Variants in MEP1A observed in about 807,000 individuals in gnomAD.
MEP1A encodes the protein N-benzoyl-L-tyrosyl-P-amino-benzoic acid hydrolase subunit alpha.
A neutral mutation model predicts 84.5 loss-of-function variants in MEP1A; 68 were observed. The observed-to-expected ratio is 0.80, with a 90% CI of 0.66 to 0.98. The LOEUF (loss-of-function observed/expected upper bound fraction) is 0.98, where lower values mean the gene tolerates loss of function less well. Among genes scored for constraint, MEP1A ranks in the 50% least tolerant of loss-of-function variants. MEP1A has a pLI of 0.00. For missense variants in MEP1A, 887 were observed against 919.9 expected, an observed-to-expected ratio of 0.96 and a Z score of 0.46; for synonymous variants, 337 against 336.8, an observed-to-expected ratio of 1.00 and a Z score of -0.01.
chr6:46,826,861 T>C (rs1767959772), intron 9 of MEP1A, among the ~76,000 whole-genome samples: 1 of 152,194 alleles, frequency 6.6e-6, no homozygotes, highest in Admixed American at 6.5e-5. Context: ...TGTGGCACAA[T>C]GGATAACACA....
At chr6:46,812,502 A>T (rs897931071) in intron 6 of MEP1A, among the ~76,000 whole-genome samples, 7 of 151,430 alleles carry the variant, frequency 4.6e-5, no homozygotes, top group African/African-American at 1.7e-4. Context: ...TTCTTTTCTT[A>T]TGCTGGGTTT....
At chr6:46,825,100 T>C (rs867120430) in intron 7 of MEP1A, among the ~76,000 whole-genome samples, 172 bp from the exon 8 acceptor site, 69 of 135,376 alleles carry the variant, frequency 5.1e-4, no homozygotes, top group South Asian at 2.4e-3. Flanking sequence ...ATTATGTATT[T>C]AAATAAATCT....
At chr6:46,798,040 T>C (rs1302552867) in intron 3 of MEP1A, among the ~76,000 whole-genome samples, 2 of 151,712 alleles carry the variant, frequency 1.3e-5, no homozygotes, top group African/African-American at 4.8e-5. Context: ...TGATCTTGGC[T>C]CACTGTAACC....
downstream of MEP1A, among the ~76,000 whole-genome samples, chr6:46,844,335 A>ATG (rs372712714): frequency 2.9e-4 from 44 of 151,370 alleles, no homozygotes; most frequent in Admixed American, 7.2e-4. Flanking sequence ...AGCCCAACAG[A>ATG]TGTGTGTGTG....
At chr6:46,842,475 GATAAGGACTGAA>G (rs1251166134), downstream of MEP1A, among the ~76,000 whole-genome samples, 1 of 152,152 alleles carries the variant, frequency 6.6e-6, no homozygotes, top group African/African-American at 2.4e-5. Context: ...ATGCAGTTGA[GATAAGGACTGAA>G]ATATGCCCTG....
intron 5 of MEP1A, among the ~76,000 whole-genome samples, chr6:46,799,911 G>T (rs1394816046): frequency 6.6e-6 from 1 of 152,154 alleles, no homozygotes; most frequent in Admixed American, 6.5e-5. Context: ...AGATTAGAGT[G>T]AAGAAGGGAA....
intron 5 of MEP1A, among the ~76,000 whole-genome samples, chr6:46,805,559 T>C (rs1767293867): frequency 6.6e-6 from 1 of 151,942 alleles, no homozygotes; most frequent in Admixed American, 6.6e-5. Context: ...TTATCAGATA[T>C]ATATTTTGCA....
intron 9 of MEP1A, 63 bp from the exon 10 acceptor site, chr6:46,829,293 G>T: frequency 1.5e-6 from 2 of 1,369,344 alleles, no homozygotes; most frequent in Non-Finnish European, 2.1e-6. Context: ...CACTTTGTTT[G>T]GGTGGACAGA....
At chr6:46,837,518 C>A (rs1239640987) in intron 13 of MEP1A, among the ~76,000 whole-genome samples, 1 of 152,198 alleles carries the variant, frequency 6.6e-6, no homozygotes, top group African/African-American at 2.4e-5. Flanking sequence ...GAAGGCCCAT[C>A]TGTTTCTGGG....
intron 3 of MEP1A, among the ~76,000 whole-genome samples, chr6:46,796,199 G>C (rs143431448): frequency 6.6e-6 from 1 of 152,266 alleles, no homozygotes; most frequent in Non-Finnish European, 1.5e-5. Flanking sequence ...GAAATCCAAC[G>C]GTGGGGGCTC....
rs1352467843 is a variant in MEP1A at position 46,829,457 on chromosome 6, C to T, written c.1030C>T (p.Leu344=). The T allele has an allele frequency of 6.2e-7, 1 of 1,614,160 alleles. No individual in the cohort carries two copies. Among genetic ancestry groups the T allele is most frequent in the Admixed American group, 1.7e-5 (1 of 60,016 alleles). ...TTACCCAAAGAGGAAGCAGCAGTGC[C>T]TGCAATTTTTCTATAAAATGACGGG... ...ILYPKRKQQC[L]QFFYKMTGSP... Residue 344 remains leucine (L), a synonymous_variant, in exon 10 of 14, where the codon CTG becomes TTG. Coordinates refer to ENST00000230588, the MANE Select transcript of MEP1A (RefSeq NM_005588.3).
At position 46,830,721 on chromosome 6, in the gene MEP1A, G is replaced by A. The variant is rs192005410; in HGVS notation, c.1144+1150G>A. ...CTTGAAGAAGAAACCTTCCTTAGAG[G>A]TCACTTGTAAGAACAGGTGCCCAAA... On this transcript the variant is annotated intron_variant, in intron 10 of 13. Coordinates refer to ENST00000230588, the MANE Select transcript of MEP1A (RefSeq NM_005588.3). Among the ~76,000 whole-genome samples the A allele has an allele frequency of 3.2e-3, 492 of 152,242 alleles. 2 individuals are homozygous for A. Among genetic ancestry groups the A allele is most frequent in the African/African-American group, 0.011 (465 of 41,548 alleles).
rs550242382 is a variant in MEP1A, at chr6:46,819,713, G to A, written c.556+9G>A. The A allele has an allele frequency of 2.0e-5, 33 of 1,611,890 alleles. No individual in the cohort carries two copies. Among genetic ancestry groups the A allele is most frequent in the Non-Finnish European group, 2.5e-5 (29 of 1,178,824 alleles). On this transcript the variant is annotated intron_variant, in intron 7 of 13. Transcript: ENST00000230588. ...GGACCAAATTCTTTCAGGTGTGATT[G>A]GGCGGAGATTGCTATCACATTTATC...
chr6:46,831,433 A>G (rs560016855), intron 10 of MEP1A, among the ~76,000 whole-genome samples: 1 of 152,322 alleles, frequency 6.6e-6, no homozygotes, highest in East Asian at 1.9e-4. Context: ...TACTGAGGCC[A>G]GGACTTCCTT....
chr6:46,824,744 A>T (rs9369637), intron 7 of MEP1A, among the ~76,000 whole-genome samples: 555 of 22,788 alleles, frequency 0.024, 3 homozygotes, highest in African/African-American at 0.049. Context: ...ATGTATTTAA[A>T]TAGATGTATT....
At chr6:46,835,184 A>G (rs776834862) in intron 12 of MEP1A, 65 bp from the exon 13 acceptor site, 3 of 1,395,030 alleles carry the variant, frequency 2.2e-6, no homozygotes, top group Non-Finnish European at 1.9e-6. Context: ...TTTCACCAGA[A>G]GTGGGAGTTA....
chr6:46,825,270 A>G lies in MEP1A; in HGVS notation c.557-2A>G, dbSNP rs761016614. 4 of 1,604,588 alleles carry G rather than the reference A, an allele frequency of 2.5e-6. No homozygotes were observed. The Admixed American group carries it at 6.8e-5, about 27-fold the overall frequency. On this transcript the variant is annotated splice_acceptor_variant, in intron 7 of 13. Coordinates refer to ENST00000230588, the MANE Select transcript of MEP1A (RefSeq NM_005588.3). LOFTEE classifies it high-confidence loss of function. ...AGGACCTGTGGATTCTCTCCCTAAC[A>G]GGTTACCAGCACAACTTTGACACCT...
intron 7 of MEP1A, among the ~76,000 whole-genome samples, chr6:46,821,628 G>C (rs1033079492): frequency 6.6e-6 from 1 of 152,126 alleles, no homozygotes; most frequent in African/African-American, 2.4e-5. Context: ...TGAAAATGTT[G>C]TAAGGAAGCA....
At position 46,805,187 on chromosome 6, in the gene MEP1A, A is replaced by T. The variant is rs80278331; in HGVS notation, c.263-4233A>T. ...TCTCATATCTCTGGTGTAAATAAGA[A>T]TAAAATTGCTGGGTTATAGTATAGG... On this transcript the variant is annotated intron_variant, in intron 5 of 13. Coordinates refer to ENST00000230588, the MANE Select transcript of MEP1A (RefSeq NM_005588.3). Among the ~76,000 whole-genome samples, 1,164 of 152,012 alleles carry T rather than the reference A, an allele frequency of 7.7e-3. 17 individuals carry two copies. Among genetic ancestry groups the T allele is most frequent in the African/African-American group, 0.025 (1,043 of 41,522 alleles).
Sources: gnomAD v4.1 joint callset for allele counts (sites outside exome capture counted in the v4.1 genomes callset) on GRCh38, gnomAD v4.1.1 for gene constraint, MANE v1.5 for transcripts, NCBI Gene and HGNC (gene_info 2026-07-23, HGNC 2026-07-21) for gene names.